RNF111: variants seen among roughly 807,000 people sequenced by gnomAD.
The protein encoded by RNF111 is E3 ubiquitin-protein ligase Arkadia.
In RNF111, 17 loss-of-function variants were observed where a neutral mutation model predicts 95.1. The ratio of observed to expected loss-of-function variants is 0.18; its 90% CI spans 0.12 to 0.27. The LOEUF is 0.27. Ranked by LOEUF, RNF111 falls within the 10% of genes least tolerant of loss-of-function variation. The probability of loss-of-function intolerance (pLI) is 1.00; values close to 1 mark genes in which losing one functional copy is unlikely to be tolerated. For missense variants in RNF111, 1,189 were observed against 1,210.4 expected (o/e 0.98, Z 0.26); for synonymous variants, 440 against 414.8 (o/e 1.06, Z -0.74).
intron 2 of RNF111, among the ~76,000 whole-genome samples, chr15:59,047,876 A>T (rs1295979867): frequency 6.6e-6 from 1 of 152,180 alleles, no homozygotes; most frequent in African/African-American, 2.4e-5. Flanking sequence ...TATCCAGCCT[A>T]CTTATTTTAG....
At chr15:59,064,163 C>G (rs1349689316) in intron 5 of RNF111, among the ~76,000 whole-genome samples, 2 of 152,100 alleles carry the variant, frequency 1.3e-5, no homozygotes, top group Non-Finnish European at 1.5e-5. Flanking sequence ...CCAGGTTATT[C>G]AACACATTTG....
In RNF111 at chr15:59,078,908, G is replaced by A. The variant is rs150836057; in HGVS notation, c.1949-2028G>A. On this transcript the variant is annotated intron_variant, in intron 7 of 13. Transcript: ENST00000348370. ...GAGAGGTATAGGTAAGGCTACTTAC[G>A]ATTAATCATAAAGCAAATGGTCTAC... Among the ~76,000 whole-genome samples, 311 of 151,544 alleles carry A rather than the reference G, an allele frequency of 2.1e-3. 1 individual carries two copies. Among genetic ancestry groups the A allele is most frequent in the African/African-American group, 7.2e-3 (297 of 41,334 alleles).
chr15:58,991,820 A>G (rs2038830099), intron 1 of RNF111, among the ~76,000 whole-genome samples: 1 of 152,212 alleles, frequency 6.6e-6, no homozygotes, highest in African/African-American at 2.4e-5. Context: ...ACCAAATACA[A>G]TATGTTGGTG....
intron 2 of RNF111, among the ~76,000 whole-genome samples, chr15:59,037,790 C>T (rs1322911625): frequency 5.3e-5 from 8 of 152,104 alleles, no homozygotes; most frequent in African/African-American, 1.4e-4. Context: ...GAGCCGAGAT[C>T]ACGCCATTGC....
chr15:59,096,710 G>C lies in RNF111; in HGVS notation c.*1810G>C, dbSNP rs1370004840. 1 of 152,214 alleles carries C rather than the reference G, an allele frequency of 6.6e-6. No homozygotes were observed. Among genetic ancestry groups the C allele is most frequent in the African/African-American group, 2.4e-5 (1 of 41,448 alleles). The allele number at this position is 152,214 out of a possible 1,614,324, so 9.4% of individuals were successfully genotyped here. ...TAGAAGGTCAGGGGAGAGTGAAGGAGTCAGTGACCTATGTCTGCCATCTTA... is the reference window on the plus strand; with the variant it reads ...TAGAAGGTCAGGGGAGAGTGAAGGACTCAGTGACCTATGTCTGCCATCTTA... On this transcript the variant is annotated 3_prime_UTR_variant, in exon 14 of 14. Transcript: ENST00000348370.
At chr15:59,050,685 A>G (rs1419784443) in intron 2 of RNF111, among the ~76,000 whole-genome samples, 20 of 152,238 alleles carry the variant, frequency 1.3e-4, no homozygotes, top group Admixed American at 1.2e-3. Flanking sequence ...TAACACCTGT[A>G]AAACCATCAT....
chr15:59,075,217 G>T (rs2043115997), intron 6 of RNF111, among the ~76,000 whole-genome samples: 1 of 152,180 alleles, frequency 6.6e-6, no homozygotes, highest in Admixed American at 6.5e-5. Flanking sequence ...AGACTTGCTT[G>T]ACACAGTGTC....
chr15:59,000,012 C>T (rs1414800256), intron 1 of RNF111, among the ~76,000 whole-genome samples: 5 of 152,118 alleles, frequency 3.3e-5, no homozygotes, highest in African/African-American at 7.2e-5. Flanking sequence ...AATCCAGTCA[C>T]CTCCAGGCAG....
At chr15:59,046,833 C>T (rs562505307) in intron 2 of RNF111, among the ~76,000 whole-genome samples, 1 of 152,150 alleles carries the variant, frequency 6.6e-6, no homozygotes, top group Admixed American at 6.5e-5. Flanking sequence ...TGAGAAAAGA[C>T]TTGTATTCAG....
chr15:58,997,781 A>G (rs1200215683), intron 1 of RNF111, among the ~76,000 whole-genome samples: 1 of 150,434 alleles, frequency 6.6e-6, no homozygotes, highest in East Asian at 2.0e-4. Flanking sequence ...GCGCCACTGC[A>G]CTCCAGCCTG....
rs543550032 is a variant in RNF111, at chr15:59,061,738, C to T, written c.1366+3188C>T. On this transcript the variant is annotated intron_variant, in intron 5 of 13. Transcript: ENST00000348370. The stretch of plus-strand genomic sequence containing the variant: ...TTAACTGTTATCTTCCTTGTGTCTT[C>T]GGCATCTTCTCTGGTTTCATTTCCT... Among the ~76,000 whole-genome samples the T allele has an allele frequency of 3.7e-4, 56 of 152,258 alleles. 1 individual carries two copies. The highest frequency in any genetic ancestry group is 1.3e-3 in the African/African-American group (52 of 41,558).
In RNF111 at chr15:59,012,003, C is replaced by CTTTTTTTTTTTTTT. The variant is rs71425836; in HGVS notation, c.-19-18785_-19-18772dup. Among the ~76,000 whole-genome samples, 79 of 40,452 alleles carry CTTTTTTTTTTTTTT rather than the reference C, an allele frequency of 2.0e-3. 14 individuals are homozygous for CTTTTTTTTTTTTTT. Among genetic ancestry groups the CTTTTTTTTTTTTTT allele is most frequent in the African/African-American group, 3.1e-3 (38 of 12,116 alleles). 26.5% of individuals were successfully genotyped at this position (40,452 alleles called of 152,430 possible). A position where few individuals can be genotyped will look rare whatever the true frequency, so the allele number is the denominator to read the frequency against. ...TTAGTGTTCTTTTTTGTTTGTTTGC[C>CTTTTTTTTTTTTTT]TTTTTTTTTTTTTTTTTTTTTTTTT... On this transcript the variant is annotated intron_variant, in intron 1 of 13. Coordinates refer to ENST00000348370, the MANE Select transcript of RNF111 (RefSeq NM_017610.8).
intron 5 of RNF111, among the ~76,000 whole-genome samples, chr15:59,061,183 C>A (rs1261522515): frequency 6.6e-6 from 1 of 152,114 alleles, no homozygotes; most frequent in African/African-American, 2.4e-5. Flanking sequence ...ATATATAAAT[C>A]TTTGTTCATT....
At chr15:59,042,377 C>G (rs114651370) in intron 2 of RNF111, among the ~76,000 whole-genome samples, 43 of 152,234 alleles carry the variant, frequency 2.8e-4, no homozygotes, top group Admixed American at 2.7e-3. Flanking sequence ...TCCACCCGCT[C>G]GGCCTCACAA....
chr15:59,064,556 A>AAATAATT (rs1200931885), intron 5 of RNF111, among the ~76,000 whole-genome samples: 1 of 146,022 alleles, frequency 6.8e-6, no homozygotes, highest in Non-Finnish European at 1.5e-5. Flanking sequence ...AAAAAAAAGG[A>AAATAATT]AATAATTTGT....
At chr15:59,025,342 A>G (rs902901189) in intron 1 of RNF111, among the ~76,000 whole-genome samples, 22 of 152,214 alleles carry the variant, frequency 1.4e-4, no homozygotes, top group African/African-American at 5.3e-4. Flanking sequence ...TCTCTTGAGA[A>G]ATTTTAGTAC....
At chr15:59,069,911 C>T (rs565065069) in intron 6 of RNF111, among the ~76,000 whole-genome samples, 11 of 151,626 alleles carry the variant, frequency 7.3e-5, no homozygotes, top group East Asian at 3.9e-4. Flanking sequence ...ACTGGCATAC[C>T]GAGAAGATGC....
At chr15:59,028,624 A>G (rs2040744535) in intron 1 of RNF111, among the ~76,000 whole-genome samples, 1 of 152,052 alleles carries the variant, frequency 6.6e-6, no homozygotes, top group Non-Finnish European at 1.5e-5. Context: ...GTATGGATTT[A>G]TTTATTCATC....
At chr15:59,058,594 T>A in intron 5 of RNF111, 44 bp downstream of exon 5, 1 of 1,531,838 alleles carries the variant, frequency 6.5e-7, no homozygotes, top group Non-Finnish European at 9.0e-7. Flanking sequence ...GTCATTACTT[T>A]CGTTAGGAAA....
Sources: allele counts gnomAD v4.1 joint callset (sites outside exome capture counted in the v4.1 genomes callset), GRCh38; gene constraint gnomAD v4.1.1; transcripts MANE v1.5; gene names NCBI Gene and HGNC (gene_info 2026-07-23, HGNC 2026-07-21).